Variants in DLG5 observed in about 807,000 individuals in gnomAD.
The protein encoded by DLG5 is disks large homolog 5.
Under a neutral mutation model 189.8 loss-of-function variants are expected in DLG5, and 48 were observed. The observed-to-expected ratio is 0.25, with a 90% CI of 0.20 to 0.32. The LOEUF is 0.32. Among genes scored for constraint, DLG5 ranks in the 10% least tolerant of loss-of-function variants. DLG5 has a pLI of 1.00. For synonymous variants in DLG5, 1,016 were observed against 1,054.1 expected (o/e 0.96, Z 0.70); for missense variants, 2,160 against 2,544.7 (o/e 0.85, Z 3.25).
rs779681123 is a variant in DLG5 at position 77,829,416 on chromosome 10, C to G, written c.2124G>C (p.Arg708=). ...CCACCTTCCCACCCAGGGACTTCCT[C>G]CGCCGCACGACCATGTTGATGGCCC... ...GEGAINMVVR[R]RKSLGGKVVT... is the part of the protein sequence containing the mutation. Residue 708 remains arginine (R), a synonymous_variant, in exon 12 of 32, where the codon CGG becomes CGC. Transcript: ENST00000372391. 1 of 1,614,122 alleles carries G rather than the reference C, an allele frequency of 6.2e-7. No individual in the cohort carries two copies. Among genetic ancestry groups the G allele is most frequent in the African/African-American group, 1.3e-5 (1 of 74,956 alleles).
chr10:77,893,706 G>A (rs1255766265), intron 1 of DLG5, among the ~76,000 whole-genome samples: 4 of 152,210 alleles, frequency 2.6e-5, no homozygotes, highest in African/African-American at 7.2e-5. Context: ...TAGTTCAAAC[G>A]GACCAGCAAA....
At chr10:77,828,312 C>T (rs560336393) in intron 13 of DLG5, among the ~76,000 whole-genome samples, 48 of 151,892 alleles carry the variant, frequency 3.2e-4, no homozygotes, top group African/African-American at 1.2e-3. Flanking sequence ...ATGGTGAAAC[C>T]CCATCTCTAC....
chr10:77,792,917 G>A, intron 31 of DLG5: 1 of 263,780 alleles, frequency 3.8e-6, no homozygotes, highest in Non-Finnish European at 7.3e-6. Flanking sequence ...GCCAAGAGGA[G>A]AGTCACAGAA....
chr10:77,864,777 G>C (rs926000599), intron 2 of DLG5, among the ~76,000 whole-genome samples: 9 of 152,220 alleles, frequency 5.9e-5, no homozygotes, highest in Non-Finnish European at 1.3e-4. Context: ...TGATGTCCTT[G>C]ACAATGAAGG....
intron 14 of DLG5, among the ~76,000 whole-genome samples, chr10:77,823,020 A>G (rs926915256): frequency 2.6e-5 from 4 of 152,260 alleles, no homozygotes; most frequent in African/African-American, 9.6e-5. Flanking sequence ...AAACTCACAG[A>G]AAATACACCA....
chr10:77,809,403 C>T (rs1841643971), intron 24 of DLG5, 144 bp downstream of exon 24: 1 of 903,898 alleles, frequency 1.1e-6, no homozygotes, highest in Non-Finnish European at 1.7e-6. Flanking sequence ...AAGACTCTGC[C>T]TCAACAACAA....
chr10:77,821,704 C>A lies in DLG5; in HGVS notation c.2780G>T (p.Gly927Val). ...CTTGTCCAGGGAGGCCTCCCCAACC[C>A]CACAGGGGCCCACCTCGGTCTCAAA... ...LPFETEVGPC[G>V]VGEASLDKAD... The change falls in exon 15 of 32, where the codon GGG (glycine) becomes GTG (valine). Residue 927 changes from glycine (G) to valine (V), a missense_variant. By Grantham distance (109) the Gly-to-Val change is moderately radical (BLOSUM62 -3). Around this residue, in one of 5 missense-constraint regions of DLG5, gnomAD observed 754 missense variants for 746.5 expected, o/e 1.01. Transcript: ENST00000372391. 1 of 1,611,954 alleles carries A rather than the reference C, an allele frequency of 6.2e-7. No homozygotes were observed. The highest frequency in any genetic ancestry group is 8.5e-7 in the Non-Finnish European group (1 of 1,179,534).
intron 12 of DLG5, 92 bp from the exon 13 acceptor site, chr10:77,829,077 AAG>A: frequency 7.2e-7 from 1 of 1,395,278 alleles, no homozygotes; most frequent in Non-Finnish European, 1.0e-6. Context: ...CTTCTTACAA[AAG>A]AGGATGTCAG....
In DLG5 at chr10:77,816,600, G is replaced by A. The variant is rs1290728715; in HGVS notation, c.3976C>T (p.Pro1326Ser). ...SQSQTSASTL[P>S]RIAVNPASLG... ...GACGCGGGGTTGACAGCGATTCTGG[G>A]CAATGTGGAGGCTGAGGTCTGGGAC... Residue 1326 changes from proline to serine, a missense_variant, in exon 20 of 32, where the codon CCC becomes TCC. Physicochemically the swap from Pro to Ser is moderately conservative, Grantham distance 74 (BLOSUM62 -1). Coordinates refer to ENST00000372391, the MANE Select transcript of DLG5 (RefSeq NM_004747.4). 4 of 1,614,084 alleles carry A rather than the reference G, an allele frequency of 2.5e-6. No individual in the cohort carries two copies. Among genetic ancestry groups the A allele is most frequent in the Admixed American group, 1.7e-5 (1 of 60,010 alleles).
chr10:77,918,303 C>T (rs1330819599), intron 1 of DLG5, among the ~76,000 whole-genome samples: 1 of 151,692 alleles, frequency 6.6e-6, no homozygotes, highest in Non-Finnish European at 1.5e-5. Flanking sequence ...GTCCCAGCTA[C>T]TTGGGAGGCT....
In DLG5 at chr10:77,833,043, G is replaced by A. The variant is rs369931730; in HGVS notation, c.1748+871C>T. On this transcript the variant is annotated intron_variant, in intron 9 of 31. Transcript: ENST00000372391. ...GGCTTGCACACTTGCACTCACACAC[G>A]AGCTTCTCACTGCCCCCTCACCACA... 1.1e-4 allele frequency among the ~76,000 whole-genome samples: 16 copies of A among 152,192 alleles called. No homozygotes were observed. The East Asian group carries it at 1.7e-3, about 17-fold the overall frequency.
At chr10:77,885,667 C>T (rs1149723) in intron 1 of DLG5, among the ~76,000 whole-genome samples, 38,763 of 152,124 alleles carry the variant, frequency 0.25, 5,524 homozygotes, top group Admixed American at 0.39. Flanking sequence ...ACTATGGCTG[C>T]TCTACTCTCC....
intron 1 of DLG5, among the ~76,000 whole-genome samples, chr10:77,879,554 G>A (rs1845211217): frequency 6.6e-6 from 1 of 151,878 alleles, no homozygotes; most frequent in Non-Finnish European, 1.5e-5. Context: ...AAGTCCAGGG[G>A]AGCAATGCTG....
chr10:77,922,014 C>T (rs1002750997), intron 1 of DLG5, among the ~76,000 whole-genome samples: 1 of 152,112 alleles, frequency 6.6e-6, no homozygotes, highest in Non-Finnish European at 1.5e-5. Context: ...TGTAGCATAC[C>T]GAGTTTTTTA....
At position 77,904,030 on chromosome 10, in the gene DLG5, T is replaced by C. The variant is rs12254942; in HGVS notation, c.304+22187A>G. On this transcript the variant is annotated intron_variant, in intron 1 of 31. Coordinates refer to ENST00000372391, the MANE Select transcript of DLG5 (RefSeq NM_004747.4). The stretch of plus-strand genomic sequence containing the variant: ...AATTAAAAGGCTGCTCTAAGTCAAG[T>C]GTGGTGGTGTGCACCTGTATCTCAG... Among the ~76,000 whole-genome samples, 798 of 152,242 alleles carry C rather than the reference T, an allele frequency of 5.2e-3. 9 individuals are homozygous for C. The highest frequency in any genetic ancestry group is 0.018 in the African/African-American group (760 of 41,538).
chr10:77,874,184 C>A (rs754793282), intron 1 of DLG5, among the ~76,000 whole-genome samples: 1 of 152,224 alleles, frequency 6.6e-6, no homozygotes, highest in Non-Finnish European at 1.5e-5. Flanking sequence ...CTGTGAGTAG[C>A]CTTCAGAAGA....
At position 77,926,546 on chromosome 10, in the gene DLG5, C is replaced by T. The variant is rs1327413140; in HGVS notation, c.-26G>A. 52 of 1,237,550 alleles carry T rather than the reference C, an allele frequency of 4.2e-5. No homozygotes were observed. The highest frequency in any genetic ancestry group is 5.2e-5 in the Non-Finnish European group (52 of 993,132). 76.7% of individuals were successfully genotyped at this position (1,237,550 alleles called of 1,614,324 possible). On this transcript the variant is annotated 5_prime_UTR_variant, in exon 1 of 32. Coordinates refer to ENST00000372391, the MANE Select transcript of DLG5 (RefSeq NM_004747.4). The surrounding 1 kb of genome is among the most constrained non-coding windows in gnomAD (Gnocchi z 5.2). ...GGTGGCGGGCCGCGCCGCCCCGCCCCGCCGGACGCCTCCCGGGCCCCCCGA... is the reference window on the plus strand; with the variant it reads ...GGTGGCGGGCCGCGCCGCCCCGCCCTGCCGGACGCCTCCCGGGCCCCCCGA...
At chr10:77,817,922 G>A (rs901582006) in intron 17 of DLG5, 33 bp from the exon 18 acceptor site, 1 of 1,523,556 alleles carries the variant, frequency 6.6e-7, no homozygotes, top group African/African-American at 1.4e-5. Flanking sequence ...GAGTTCGGGA[G>A]GAGAACCAGG....
At chr10:77,836,754 T>G (rs144221680) in intron 7 of DLG5, among the ~76,000 whole-genome samples, 44 of 152,126 alleles carry the variant, frequency 2.9e-4, no homozygotes, top group Non-Finnish European at 6.0e-4. Context: ...CCATCAAAAC[T>G]CGAGGGTGAC....
Sources: allele counts gnomAD v4.1 joint callset (sites outside exome capture counted in the v4.1 genomes callset), GRCh38; gene constraint gnomAD v4.1.1; regional missense constraint gnomAD v4.1.1; non-coding constraint Gnocchi (gnomAD v3.1); transcripts MANE v1.5; gene names NCBI Gene and HGNC (gene_info 2026-07-23, HGNC 2026-07-21).